The following ST18 variants were observed in gnomAD, a reference collection of about 807,000 sequenced individuals.
ST18 encodes suppression of tumorigenicity 18 protein.
ST18 carries 50 observed loss-of-function variants against 110.0 expected under a neutral mutation model. The observed-to-expected ratio is 0.45, with a 90% CI of 0.36 to 0.58. The LOEUF is 0.58. Ranked by LOEUF, ST18 falls within the 20% of genes least tolerant of loss-of-function variation. ST18 has a pLI of 0.00. For missense variants in ST18, 1,306 were observed against 1,280.1 expected, an observed-to-expected ratio of 1.02 and a Z score of -0.31; for synonymous variants, 461 against 452.4, an observed-to-expected ratio of 1.02 and a Z score of -0.24.
chr8:52,323,258 G>T (rs1282657315), intron 2 of ST18, among the ~76,000 whole-genome samples: 1 of 152,186 alleles, frequency 6.6e-6, no homozygotes, highest in African/African-American at 2.4e-5. Context: ...AACCACAGAT[G>T]TTCCATTTGA....
intron 19 of ST18, among the ~76,000 whole-genome samples, chr8:52,133,521 TAATC>T (rs1179682072): frequency 5.9e-5 from 9 of 152,218 alleles, no homozygotes; most frequent in African/African-American, 1.9e-4. Context: ...TTTTGGTTAA[TAATC>T]AATTTAAATA....
At chr8:52,246,749 TC>T (rs2093891467) in intron 2 of ST18, 1 of 152,204 alleles carries the variant, frequency 6.6e-6, no homozygotes, top group South Asian at 2.1e-4. Context: ...GCACATCCCC[TC>T]GCTGTCTCAA....
At chr8:52,353,981 G>C (rs1473240629) in intron 2 of ST18, among the ~76,000 whole-genome samples, 1 of 152,244 alleles carries the variant, frequency 6.6e-6, no homozygotes, top group East Asian at 1.9e-4. Flanking sequence ...TTTGCTCTTG[G>C]GCTAGCCCAC....
At chr8:52,216,650 T>A (rs2084346460) in intron 6 of ST18, among the ~76,000 whole-genome samples, 1 of 152,164 alleles carries the variant, frequency 6.6e-6, no homozygotes, top group Admixed American at 6.5e-5. Flanking sequence ...TGTGGAGAGT[T>A]TATCGCTCGT....
chr8:52,390,159 AG>A, intron 2 of ST18, among the ~76,000 whole-genome samples: 1 of 152,210 alleles, frequency 6.6e-6, no homozygotes, highest in African/African-American at 2.4e-5. Flanking sequence ...GAAAGTGGGG[AG>A]CAGATTGTTT....
intron 9 of ST18, among the ~76,000 whole-genome samples, chr8:52,173,077 G>A (rs956186931): frequency 1.9e-4 from 29 of 152,212 alleles, no homozygotes; most frequent in Admixed American, 4.6e-4. Flanking sequence ...AAAGCCATTT[G>A]GTTTCAGATT....
intron 22 of ST18, among the ~76,000 whole-genome samples, chr8:52,127,138 A>T (rs548081572): frequency 6.6e-6 from 1 of 152,328 alleles, no homozygotes; most frequent in African/African-American, 2.4e-5. Flanking sequence ...GGCAGGGTGA[A>T]AGAAAATATT....
intron 2 of ST18, among the ~76,000 whole-genome samples, chr8:52,250,473 A>AAAAAAAAAAAAAAC (rs2094209558): frequency 6.7e-6 from 1 of 149,938 alleles, no homozygotes; most frequent in Admixed American, 6.7e-5. Context: ...AAAAAAAAAA[A>AAAAAAAAAAAAAAC]AAAAGATCAA....
chr8:52,175,629 T>C (rs1292114898), intron 9 of ST18, among the ~76,000 whole-genome samples: 1 of 152,076 alleles, frequency 6.6e-6, no homozygotes, highest in Non-Finnish European at 1.5e-5. Context: ...GGATCCCTCC[T>C]AGGACAACAA....
intron 2 of ST18, among the ~76,000 whole-genome samples, chr8:52,310,833 A>G (rs1030447917): frequency 6.9e-6 from 1 of 145,134 alleles, no homozygotes; most frequent in South Asian, 2.4e-4. Flanking sequence ...TGAGCAGGTG[A>G]CTGATGAGAC....
chr8:52,336,506 G>A (rs944106527), intron 2 of ST18, among the ~76,000 whole-genome samples: 3 of 152,180 alleles, frequency 2.0e-5, no homozygotes, highest in African/African-American at 7.2e-5. Flanking sequence ...CATCTCAGGA[G>A]CCAGGTCTAC....
At chr8:52,253,235 C>T (rs1243171592) in intron 2 of ST18, among the ~76,000 whole-genome samples, 1 of 151,868 alleles carries the variant, frequency 6.6e-6, no homozygotes, top group African/African-American at 2.4e-5. Context: ...TCAAAGTAAG[C>T]ACCTATAATA....
intron 2 of ST18, chr8:52,403,681 C>T (rs1219661977): frequency 6.6e-6 from 1 of 152,210 alleles, no homozygotes; most frequent in Non-Finnish European, 1.5e-5. Flanking sequence ...CACTCTTCTT[C>T]AGCCACTGTG....
rs1037250118 is a variant in ST18, at chr8:52,132,971, C to G, written c.2444+86G>C. 4.1e-5 allele frequency: 59 copies of G among 1,430,022 alleles called. No individual in the cohort carries two copies. The Admixed American group carries it at 1.0e-3, about 25-fold the overall frequency. The allele number at this position is 1,430,022 out of a possible 1,614,324, so 88.6% of individuals were successfully genotyped here. On this transcript the variant is annotated intron_variant, in intron 21 of 25. Transcript: ENST00000689386. ...GGGTACACCTTCCCTGAAACTCAATCCGTGTTCAATTGCATCCCAACCAAG... is the reference window on the plus strand; with the variant it reads ...GGGTACACCTTCCCTGAAACTCAATGCGTGTTCAATTGCATCCCAACCAAG...
intron 6 of ST18, among the ~76,000 whole-genome samples, chr8:52,214,718 T>C (rs1013810239): frequency 1.3e-5 from 2 of 152,168 alleles, no homozygotes; most frequent in Non-Finnish European, 2.9e-5. Flanking sequence ...AAAAGCACCA[T>C]GAAGACAAAC....
At chr8:52,159,915 A>G (rs1401957961) in intron 14 of ST18, among the ~76,000 whole-genome samples, 1 of 152,212 alleles carries the variant, frequency 6.6e-6, no homozygotes. Context: ...GAAACACTCA[A>G]GATTTAATGT....
intron 2 of ST18, among the ~76,000 whole-genome samples, chr8:52,231,351 A>G (rs1462253414): frequency 6.6e-6 from 1 of 152,186 alleles, no homozygotes; most frequent in Non-Finnish European, 1.5e-5. Flanking sequence ...GCATCCACTG[A>G]GTTCCACTTT....
At chr8:52,328,289 C>A (rs775806922) in intron 2 of ST18, among the ~76,000 whole-genome samples, 10 of 152,158 alleles carry the variant, frequency 6.6e-5, no homozygotes, top group Non-Finnish European at 1.5e-4. Context: ...ACAGGGTGGT[C>A]TTGGCCATAA....
intron 2 of ST18, among the ~76,000 whole-genome samples, chr8:52,333,072 A>G (rs540906281): frequency 6.1e-4 from 93 of 152,240 alleles, no homozygotes; most frequent in Middle Eastern, 3.4e-3. Flanking sequence ...TCTAGAGCCC[A>G]AGTTCTCATC....
Sources: allele counts gnomAD v4.1 joint callset (sites outside exome capture counted in the v4.1 genomes callset), GRCh38; gene constraint gnomAD v4.1.1; transcripts MANE v1.5; gene names NCBI Gene and HGNC (gene_info 2026-07-23, HGNC 2026-07-21).